Variants in SEMA6D observed in about 807,000 individuals in gnomAD.
SEMA6D encodes the protein semaphorin-6D.
SEMA6D carries 35 observed loss-of-function variants against 106.6 expected under a neutral mutation model. The ratio of observed to expected loss-of-function variants is 0.33; its 90% CI spans 0.25 to 0.44. SEMA6D has a LOEUF of 0.44. Ranked by LOEUF, SEMA6D falls within the 20% of genes least tolerant of loss-of-function variation. The probability of loss-of-function intolerance (pLI) is 1.00; values close to 1 mark genes in which losing one functional copy is unlikely to be tolerated. For synonymous variants in SEMA6D, 499 were observed against 487.7 expected (o/e 1.02, Z -0.31); for missense variants, 1,185 against 1,345.9 (o/e 0.88, Z 1.87).
In SEMA6D at chr15:47,764,901, C is replaced by G. The variant is rs751683411; in HGVS notation, c.1272C>G (p.Ile424Met). 3.1e-6 allele frequency: 5 copies of G among 1,613,914 alleles called. No individual in the cohort carries two copies. Among genetic ancestry groups the G allele is most frequent in the Non-Finnish European group, 4.2e-6 (5 of 1,179,860 alleles). ...CTTGTAGGTACAGACTGACGGCCAT[C>G]TCAGTGGACCATTCAGCCGGACCCT... ...KTRVRYRLTA[I>M]SVDHSAGPYQ... The change falls in exon 13 of 19, where the codon ATC becomes ATG. Residue 424 changes from isoleucine (I) to methionine (M), a missense_variant. Ile to Met is a conservative substitution (Grantham distance 10, BLOSUM62 1). Coordinates refer to ENST00000536845, the MANE Select transcript of SEMA6D (RefSeq NM_001358351.3).
At chr15:47,240,978 TTCTG>T (rs2141758765) in intron 1 of SEMA6D, among the ~76,000 whole-genome samples, 1 of 152,278 alleles carries the variant, frequency 6.6e-6, no homozygotes, top group Non-Finnish European at 1.5e-5. Flanking sequence ...TATCCATACA[TTCTG>T]AAATGCAGGT....
chr15:47,291,417 G>C (rs536375941), intron 1 of SEMA6D, among the ~76,000 whole-genome samples: 1 of 152,312 alleles, frequency 6.6e-6, no homozygotes, highest in Admixed American at 6.5e-5. Context: ...TGCAGCCCTA[G>C]AACTCCAGCA....
At chr15:47,513,202 C>T (rs2044285616) in intron 3 of SEMA6D, among the ~76,000 whole-genome samples, 1 of 151,934 alleles carries the variant, frequency 6.6e-6, no homozygotes, top group South Asian at 2.1e-4. Context: ...AAGTGGCCCC[C>T]ATCATCTGAG....
intron 1 of SEMA6D, among the ~76,000 whole-genome samples, chr15:47,357,953 TAGAA>T (rs536041295): frequency 2.0e-5 from 3 of 152,332 alleles, no homozygotes; most frequent in Non-Finnish European, 4.4e-5. Flanking sequence ...TTATTCTTAA[TAGAA>T]AGACATAACA....
At chr15:47,703,715 A>G (rs963353086) in intron 4 of SEMA6D, among the ~76,000 whole-genome samples, 16 of 152,336 alleles carry the variant, frequency 1.1e-4, no homozygotes, top group Middle Eastern at 3.4e-3. Context: ...ATCCAAATCA[A>G]TAATGGAAAT....
At chr15:47,216,846 T>G (rs2030666599) in intron 1 of SEMA6D, among the ~76,000 whole-genome samples, 1 of 151,952 alleles carries the variant, frequency 6.6e-6, no homozygotes, top group African/African-American at 2.4e-5. Flanking sequence ...CAAAAAAAAT[T>G]AGAAATTTGC....
chr15:47,298,162 C>T (rs1360098064), intron 1 of SEMA6D, among the ~76,000 whole-genome samples: 3 of 152,128 alleles, frequency 2.0e-5, no homozygotes, highest in Admixed American at 1.3e-4. Flanking sequence ...AGAAGAAACT[C>T]ATGGAGATGT....
At chr15:47,246,471 G>A (rs2033206009) in intron 1 of SEMA6D, among the ~76,000 whole-genome samples, 1 of 152,152 alleles carries the variant, frequency 6.6e-6, no homozygotes, top group South Asian at 2.1e-4. Context: ...CATAGTCATA[G>A]CCAAGGTGTC....
chr15:47,288,139 CTT>C (rs1198133687), intron 1 of SEMA6D, among the ~76,000 whole-genome samples: 2 of 152,190 alleles, frequency 1.3e-5, no homozygotes, highest in African/African-American at 4.8e-5. Context: ...GATCCAAACA[CTT>C]TTACATTTCA....
chr15:47,548,654 C>T (rs879901980), intron 3 of SEMA6D, among the ~76,000 whole-genome samples: 1 of 152,110 alleles, frequency 6.6e-6, no homozygotes, highest in Non-Finnish European at 1.5e-5. Context: ...CTCCAGTATG[C>T]CCTGAGAAAC....
chr15:47,466,795 C>T (rs1334683694), intron 2 of SEMA6D, among the ~76,000 whole-genome samples: 11 of 149,222 alleles, frequency 7.4e-5, no homozygotes, highest in African/African-American at 1.2e-4. Flanking sequence ...GGAGTGATCT[C>T]GGCTCACTGC....
chr15:47,521,406 A>G (rs897298595), intron 3 of SEMA6D, among the ~76,000 whole-genome samples: 2 of 152,018 alleles, frequency 1.3e-5, no homozygotes, highest in Admixed American at 6.5e-5. Flanking sequence ...ATTCTGGACA[A>G]TCTCTTCAAC....
intron 1 of SEMA6D, among the ~76,000 whole-genome samples, chr15:47,367,945 G>C (rs1394750482): frequency 6.9e-6 from 1 of 144,114 alleles, no homozygotes; most frequent in African/African-American, 2.6e-5. Flanking sequence ...GAGACCAAGG[G>C]CCCCCTGTGG....
intron 3 of SEMA6D, among the ~76,000 whole-genome samples, chr15:47,497,996 A>G (rs1427831604): frequency 1.3e-5 from 2 of 152,006 alleles, no homozygotes; most frequent in Non-Finnish European, 2.9e-5. Flanking sequence ...CTTATTTTCT[A>G]TCTCTTTGTA....
intron 2 of SEMA6D, among the ~76,000 whole-genome samples, chr15:47,424,712 A>G (rs1485257371): frequency 6.6e-6 from 1 of 152,140 alleles, no homozygotes; most frequent in Non-Finnish European, 1.5e-5. Flanking sequence ...AGATATATGA[A>G]TTGTGGGGGC....
chr15:47,413,635 C>G (rs2040869586), intron 2 of SEMA6D, among the ~76,000 whole-genome samples: 1 of 152,002 alleles, frequency 6.6e-6, no homozygotes, highest in African/African-American at 2.4e-5. Context: ...AGGCAAACAC[C>G]ACTATGCCTT....
Position 47,772,922 on chromosome 15 carries a change from G to A in SEMA6D, c.*1137G>A, listed in dbSNP as rs1213586126. ...AAAAGAAAGACATATGAAAGGAATT[G>A]TAATTGGCTTAACAGAAACAGTCTG... On this transcript the variant is annotated 3_prime_UTR_variant, in exon 19 of 19. Coordinates refer to ENST00000536845, the MANE Select transcript of SEMA6D (RefSeq NM_001358351.3). 6.7e-6 allele frequency: 1 copy of A among 149,942 alleles called. No homozygotes were observed. Among genetic ancestry groups the A allele is most frequent in the Admixed American group, 6.8e-5 (1 of 14,680 alleles). The allele number at this position is 149,942 out of a possible 1,614,324, so 9.3% of individuals were successfully genotyped here. A position where few individuals can be genotyped will look rare whatever the true frequency, so the allele number is the denominator to read the frequency against.
chr15:47,586,892 T>TTG (rs2143007606), intron 3 of SEMA6D, among the ~76,000 whole-genome samples: 1 of 150,458 alleles, frequency 6.6e-6, no homozygotes, highest in Non-Finnish European at 1.5e-5. Context: ...TGACAGGTTT[T>TTG]TTTTTTTTTT....
At chr15:47,352,616 C>G (rs143353978) in intron 1 of SEMA6D, among the ~76,000 whole-genome samples, 15 of 152,290 alleles carry the variant, frequency 9.8e-5, no homozygotes, top group African/African-American at 3.6e-4. Context: ...TATTCTAACT[C>G]CATCCTCAAT....
Sources: gnomAD v4.1 joint callset for allele counts (sites outside exome capture counted in the v4.1 genomes callset) on GRCh38, gnomAD v4.1.1 for gene constraint, MANE v1.5 for transcripts, NCBI Gene and HGNC (gene_info 2026-07-23, HGNC 2026-07-21) for gene names.